MYDGF: variants seen among roughly 807,000 people sequenced by gnomAD.
The protein encoded by MYDGF is myeloid-derived growth factor.
A neutral mutation model predicts 24.2 loss-of-function variants in MYDGF; 29 were observed. That is an observed-to-expected ratio of 1.20 (90% CI 0.89 to 1.63). MYDGF has a LOEUF of 1.63. Among genes scored for constraint, MYDGF ranks in the 40% most tolerant of loss-of-function variants. MYDGF has a pLI of 0.00. For missense variants in MYDGF, 245 were observed against 234.8 expected (o/e 1.04, Z -0.29); for synonymous variants, 105 against 102.5 (o/e 1.02, Z -0.15).
At position 4,670,245 on chromosome 19, in the gene MYDGF, C is replaced by A; in HGVS notation, c.90G>T (p.Glu30Asp). The A allele has an allele frequency of 8.3e-6, 13 of 1,566,488 alleles. No homozygotes were observed. Among genetic ancestry groups the A allele is most frequent in the Non-Finnish European group, 1.0e-5 (12 of 1,159,136 alleles). Reference protein sequence around the residue: ...LLGAVALRPAEAVSEPTTVAF... With the variant: ...LLGAVALRPADAVSEPTTVAF... ...CCACCGTCGTGGGCTCGGACACCGC[C>A]TCCGCCGGCCTCAGCGCCACGGCCC... The change falls in exon 1 of 6, where the codon GAG becomes GAT. Residue 30 changes from glutamate (E) to aspartate (D), a missense_variant. By Grantham distance (45) the Glu-to-Asp change is conservative. Coordinates refer to ENST00000262947, the MANE Select transcript of MYDGF (RefSeq NM_019107.4).
chr19:4,666,403 G>A (rs150620125), intron 2 of MYDGF, among the ~76,000 whole-genome samples: 1 of 151,834 alleles, frequency 6.6e-6, no homozygotes, highest in Non-Finnish European at 1.5e-5. Context: ...AGCCTCCTGA[G>A]TAGCTGGGAT....
chr19:4,659,540 T>G, intron 5 of MYDGF: 1 of 377,818 alleles, frequency 2.6e-6, no homozygotes, highest in Non-Finnish European at 4.7e-6. Flanking sequence ...TTAAAAAAAT[T>G]TTGTAGAGAC....
At position 4,668,647 on chromosome 19, in the gene MYDGF, T is replaced by C. The variant is rs113129733; in HGVS notation, c.175-2A>G. 1 of 1,612,108 alleles carries C rather than the reference T, an allele frequency of 6.2e-7. No individual in the cohort carries two copies. Among genetic ancestry groups the C allele is most frequent in the East Asian group, 2.2e-5 (1 of 44,834 alleles). ...AGTGAACATACACGTATATTTGTCCTAGAGAATGGAAGGAAAAAAAAGGTT... is the reference window on the plus strand; with the variant it reads ...AGTGAACATACACGTATATTTGTCCCAGAGAATGGAAGGAAAAAAAAGGTT... On this transcript the variant is annotated splice_acceptor_variant, in intron 1 of 5. Transcript: ENST00000262947. LOFTEE classifies it high-confidence loss of function.
In MYDGF at chr19:4,669,251, G is replaced by A. The variant is rs560349999; in HGVS notation, c.175-606C>T. Among the ~76,000 whole-genome samples, 360 of 152,224 alleles carry A rather than the reference G, an allele frequency of 2.4e-3. 1 individual carries two copies. The highest frequency in any genetic ancestry group is 5.1e-3 in the Admixed American group (78 of 15,270). On this transcript the variant is annotated intron_variant, in intron 1 of 5. Coordinates refer to ENST00000262947, the MANE Select transcript of MYDGF (RefSeq NM_019107.4). ...CACTTTGGGAGGCCGAGGTGGGCGG[G>A]TCACCTGCGGTCAGGAGTTCAAGAC... is the stretch of plus-strand genomic sequence containing the variant.
chr19:4,664,758 G>T, intron 3 of MYDGF, 118 bp downstream of exon 3: 1 of 1,151,938 alleles, frequency 8.7e-7, no homozygotes, highest in Non-Finnish European at 1.2e-6. Context: ...GAGTCTCCCT[G>T]CTGGTCTGTC....
intron 3 of MYDGF, among the ~76,000 whole-genome samples, chr19:4,663,372 TCC>T: frequency 8.6e-6 from 1 of 115,794 alleles, no homozygotes; most frequent in African/African-American, 3.3e-5. Flanking sequence ...CAATCTACTC[TCC>T]CCACCTACCC....
Position 4,670,216 on chromosome 19 carries a change from A to G in MYDGF, c.119T>C (p.Phe40Ser). The G allele has an allele frequency of 6.4e-7, 1 of 1,563,364 alleles. No homozygotes were observed. The highest frequency in any genetic ancestry group is 8.6e-7 in the Non-Finnish European group (1 of 1,157,770). The change falls in exon 1 of 6, where the codon TTT (phenylalanine) becomes TCT (serine). Residue 40 changes from phenylalanine (F) to serine (S), a missense_variant. Coordinates refer to ENST00000262947, the MANE Select transcript of MYDGF (RefSeq NM_019107.4). Reference protein sequence around the residue: ...EAVSEPTTVAFDVRPGGVVHS... With the variant: ...EAVSEPTTVASDVRPGGVVHS... ...CACGACGCCGCCGGGCCGCACGTCA[A>G]ACGCCACCGTCGTGGGCTCGGACAC...
intron 3 of MYDGF, among the ~76,000 whole-genome samples, chr19:4,663,785 CCTCATTCTACACA>C (rs2088499390): frequency 1.8e-5 from 2 of 108,248 alleles, no homozygotes; most frequent in African/African-American, 8.2e-5. Context: ...CCCACCCCAT[CCTCATTCTACACA>C]GCCTCCAATC....
At chr19:4,658,459 T>A (rs890365297) in intron 5 of MYDGF, among the ~76,000 whole-genome samples, 5 of 152,154 alleles carry the variant, frequency 3.3e-5, no homozygotes, top group Non-Finnish European at 7.3e-5. Context: ...CTGCAAGACC[T>A]CCTGCTCAGT....
intron 3 of MYDGF, among the ~76,000 whole-genome samples, chr19:4,661,402 TACG>T (rs574277802): frequency 3.3e-5 from 5 of 152,278 alleles, no homozygotes; most frequent in Non-Finnish European, 7.4e-5. Flanking sequence ...ATCCAGGTAC[TACG>T]ACGGGGGCTG....
chr19:4,669,782 G>C (rs1174299723), intron 1 of MYDGF, among the ~76,000 whole-genome samples: 1 of 152,104 alleles, frequency 6.6e-6, no homozygotes, highest in Non-Finnish European at 1.5e-5. Context: ...TGCAGCGACT[G>C]ATTTCCTTCA....
chr19:4,670,256 T>C lies in MYDGF; in HGVS notation c.79A>G (p.Arg27Gly). 1 of 1,562,754 alleles carries C rather than the reference T, an allele frequency of 6.4e-7. No individual in the cohort carries two copies. The highest frequency in any genetic ancestry group is 8.6e-7 in the Non-Finnish European group (1 of 1,157,104). ...AALLLGAVAL[R>G]PAEAVSEPTT... ...GGCTCGGACACCGCCTCCGCCGGCC[T>C]CAGCGCCACGGCCCCTAGGAGCAGC... is the stretch of plus-strand genomic sequence containing the variant. Residue 27 changes from arginine (R) to glycine (G), a missense_variant, in exon 1 of 6, where the codon AGG (arginine) becomes GGG (glycine). Transcript: ENST00000262947.
In MYDGF at chr19:4,659,856, C is replaced by CT. The variant is rs1201804871; in HGVS notation, c.442+74dup. The CT allele has an allele frequency of 5.1e-6, 7 of 1,376,710 alleles. No individual in the cohort carries two copies. In the African/African-American group the frequency reaches 5.7e-5, roughly 11 times the overall value. The allele number at this position is 1,376,710 out of a possible 1,614,324, so 85.3% of individuals were successfully genotyped here. A position where few individuals can be genotyped will look rare whatever the true frequency, so the allele number is the denominator to read the frequency against. On this transcript the variant is annotated intron_variant, in intron 5 of 5. Transcript: ENST00000262947. ...TCCAGGACCCCTATGGCTGACCCCC[C>CT]TCTCCAAACTGCCCCGATTGCCCAC...
At chr19:4,663,549 C>T (rs1162432822) in intron 3 of MYDGF, among the ~76,000 whole-genome samples, 1 of 38,062 alleles carries the variant, frequency 2.6e-5, no homozygotes, top group African/African-American at 9.4e-5. Flanking sequence ...CCAATCTATC[C>T]TCCCCACCCA....
chr19:4,660,647 T>C (rs542885676), intron 4 of MYDGF, 22 bp downstream of exon 4: 21 of 1,607,922 alleles, frequency 1.3e-5, no homozygotes, highest in Non-Finnish European at 1.5e-5. Flanking sequence ...ACCCGGAGCC[T>C]GCCCCACTCC....
At position 4,668,554 on chromosome 19, in the gene MYDGF, A is replaced by T. The variant is rs368804337; in HGVS notation, c.225+41T>A. On this transcript the variant is annotated intron_variant, in intron 2 of 5. Coordinates refer to ENST00000262947, the MANE Select transcript of MYDGF (RefSeq NM_019107.4). ...ACAGAACATCTCCCTACAACAATGG[A>T]TACTGTCACAGTAAGCTAGAGGGAA... The T allele has an allele frequency of 5.1e-5, 80 of 1,560,916 alleles. No homozygotes were observed. In the African/African-American group the frequency reaches 9.9e-4, roughly 19 times the overall value.
At chr19:4,669,877 C>T (rs891423872) in intron 1 of MYDGF, among the ~76,000 whole-genome samples, 1 of 152,232 alleles carries the variant, frequency 6.6e-6, no homozygotes, top group Admixed American at 6.5e-5. Flanking sequence ...GGCAGGGGTG[C>T]CTGGACACTC....
chr19:4,663,426 C>A (rs2088489749), intron 3 of MYDGF, among the ~76,000 whole-genome samples: 1 of 143,564 alleles, frequency 7.0e-6, no homozygotes, highest in Non-Finnish European at 1.5e-5. Flanking sequence ...CCCTCTCCAC[C>A]CACCCCATCC....
At position 4,657,971 on chromosome 19, in the gene MYDGF, G is replaced by C; in HGVS notation, c.*34C>G. 6.3e-7 allele frequency: 1 copy of C among 1,578,284 alleles called. No individual in the cohort carries two copies. The highest frequency in any genetic ancestry group is 2.3e-5 in the East Asian group (1 of 44,190). On this transcript the variant is annotated 3_prime_UTR_variant, in exon 6 of 6. Coordinates refer to ENST00000262947, the MANE Select transcript of MYDGF (RefSeq NM_019107.4). ...CACAGGCCCCTTCAGCTTCACCGGA[G>C]ATGAGAAGGTGCCACCCGCAACAGG...
Sources: allele counts gnomAD v4.1 joint callset (sites outside exome capture counted in the v4.1 genomes callset), GRCh38; gene constraint gnomAD v4.1.1; transcripts MANE v1.5; gene names NCBI Gene and HGNC (gene_info 2026-07-23, HGNC 2026-07-21).